IFNK: variants seen among roughly 807,000 people sequenced by gnomAD.
IFNK encodes the protein IFN-kappa.
A neutral mutation model predicts 12.0 loss-of-function variants in IFNK; 13 were observed. The observed-to-expected ratio is 1.08, with a 90% CI of 0.70 to 1.72. IFNK has a LOEUF of 1.72. Ranked by LOEUF, IFNK falls within the 40% of genes most tolerant of loss-of-function variation. The probability of loss-of-function intolerance (pLI) is 0.00; values close to 1 mark genes in which losing one functional copy is unlikely to be tolerated. For missense variants in IFNK, 248 were observed against 237.0 expected, an observed-to-expected ratio of 1.05 and a Z score of -0.30; for synonymous variants, 94 against 82.3, an observed-to-expected ratio of 1.14 and a Z score of -0.77.
chr9:27,525,503 T>C lies in IFNK; in HGVS notation c.*2-504T>C, dbSNP rs116810570. Among the ~76,000 whole-genome samples, 1,162 of 152,262 alleles carry C rather than the reference T, an allele frequency of 7.6e-3. 15 individuals carry two copies. Among genetic ancestry groups the C allele is most frequent in the African/African-American group, 0.026 (1,078 of 41,542 alleles). ...CCATTTCCTTCTCAGCTTGGTTTGT[T>C]TGAATTGATGCTTGTGGAATAGTAT... is the stretch of plus-strand genomic sequence containing the variant. On this transcript the variant is annotated intron_variant, in intron 1 of 1. Transcript: ENST00000276943.
At position 27,524,676 on chromosome 9, in the gene IFNK, A is replaced by G; in HGVS notation, c.340A>G (p.Ile114Val). Residue 114 changes from isoleucine to valine, a missense_variant, in exon 1 of 2, where the codon ATC (isoleucine) becomes GTC (valine). By Grantham distance (29) the Ile-to-Val change is conservative. Transcript: ENST00000276943. The stretch of plus-strand genomic sequence containing the variant: ...TTGGAAAGAGAGACACCTCAAACAA[A>G]TCCAAATAGGACTTGATCAGCAAGC... ...KYWKERHLKQIQIGLDQQAEY... is the reference protein window; with the variant it reads ...KYWKERHLKQVQIGLDQQAEY... 6.2e-7 allele frequency: 1 copy of G among 1,614,102 alleles called. No homozygotes were observed. Among genetic ancestry groups the G allele is most frequent in the Non-Finnish European group, 8.5e-7 (1 of 1,179,980 alleles).
At chr9:27,525,587 A>T (rs987997426) in intron 1 of IFNK, among the ~76,000 whole-genome samples, 43 of 152,138 alleles carry the variant, frequency 2.8e-4, no homozygotes, top group African/African-American at 1.0e-3. Flanking sequence ...GAATTAGACG[A>T]CCATTAAGCT....
chr9:27,526,060 C>CA lies in IFNK; in HGVS notation c.*61dup, dbSNP rs1432751327. 2.0e-5 allele frequency: 3 copies of CA among 152,030 alleles called. No homozygotes were observed. Among genetic ancestry groups the CA allele is most frequent in the Non-Finnish European group, 4.4e-5 (3 of 67,990 alleles). The allele number at this position is 152,030 out of a possible 1,614,324, so 9.4% of individuals were successfully genotyped here. A position where few individuals can be genotyped will look rare whatever the true frequency, so the allele number is the denominator to read the frequency against. ...AGAGATTGTGGCTACGCAAATGCAC[C>CA]AAAAAAGGGTGAAATATATCTGAAA... On this transcript the variant is annotated 3_prime_UTR_variant, in exon 2 of 2. Transcript: ENST00000276943.
rs1223161552 is a variant in IFNK at position 27,524,385 on chromosome 9, C to T, written c.49C>T (p.Leu17Phe). The T allele has an allele frequency of 1.2e-6, 2 of 1,613,728 alleles. No individual in the cohort carries two copies. The highest frequency in any genetic ancestry group is 8.5e-7 in the Non-Finnish European group (1 of 1,179,788). The change falls in exon 1 of 2, where the codon CTT (leucine) becomes TTT (phenylalanine). Residue 17 changes from leucine (L) to phenylalanine (F), a missense_variant. Leu to Phe is a conservative substitution (Grantham distance 22, BLOSUM62 0). Transcript: ENST00000276943. ...MIQKCLWLEI[L>F]MGIFIAGTLS... ...TCAAAAGTGTTTGTGGCTTGAGATC[C>T]TTATGGGTATATTCATTGCTGGCAC...
At position 27,524,894 on chromosome 9, in the gene IFNK, C is replaced by T; in HGVS notation, c.558C>T (p.Val186=). 6.2e-7 allele frequency: 1 copy of T among 1,612,354 alleles called. No individual in the cohort carries two copies. Among genetic ancestry groups the T allele is most frequent in the South Asian group, 1.1e-5 (1 of 90,442 alleles). ...KKYSDCAWEI[V]RVEIRRCLYY... is the part of the protein sequence containing the mutation. ...ACAGTGACTGTGCCTGGGAGATTGT[C>T]CGAGTGGAAATCAGAAGATGTTTGT... The change falls in exon 1 of 2, where the codon GTC becomes GTT. Residue 186 remains valine, a synonymous_variant. Transcript: ENST00000276943.
rs906275676 is a variant in IFNK at position 27,526,283 on chromosome 9, A to T, written c.*278A>T. On this transcript the variant is annotated 3_prime_UTR_variant, in exon 2 of 2. Transcript: ENST00000276943. ...AAAGAACAAGAACAAATTGTGGATC[A>T]TGGTATATGCAGGCTATCAGCAGAA... The T allele has an allele frequency of 6.6e-6, 1 of 152,252 alleles. No individual in the cohort carries two copies. The highest frequency in any genetic ancestry group is 2.4e-5 in the African/African-American group (1 of 41,466). The allele number at this position is 152,252 out of a possible 1,614,324, so 9.4% of individuals were successfully genotyped here. A position where few individuals can be genotyped will look rare whatever the true frequency, so the allele number is the denominator to read the frequency against.
In IFNK at chr9:27,524,329, C is replaced by A. The variant is rs58668566; in HGVS notation, c.-8C>A. On this transcript the variant is annotated 5_prime_UTR_variant, in exon 1 of 2. Coordinates refer to ENST00000276943, the MANE Select transcript of IFNK (RefSeq NM_020124.3). Reference sequence around the variant, plus strand: ...CACATCTTCTGGATTTTTTAGCTTGCAAAAAAAATGAGCACCAAACCTGAT... The same window carrying A: ...CACATCTTCTGGATTTTTTAGCTTGAAAAAAAAATGAGCACCAAACCTGAT... 53,752 of 1,596,718 alleles carry A rather than the reference C, an allele frequency of 0.034. 1,513 individuals are homozygous for A. The highest frequency in any genetic ancestry group is 0.13 in the African/African-American group (9,421 of 73,720).
Position 27,524,747 on chromosome 9 carries a change from A to G in IFNK, c.411A>G (p.Glu137=). 3 of 1,613,972 alleles carry G rather than the reference A, an allele frequency of 1.9e-6. No individual in the cohort carries two copies. The highest frequency in any genetic ancestry group is 2.5e-6 in the Non-Finnish European group (3 of 1,179,888). Residue 137 remains glutamate, a synonymous_variant, in exon 1 of 2, where the codon GAA becomes GAG. Transcript: ENST00000276943. ...QCLEEDKNEN[E]DMKEMKENEM... ...TGGAGGAAGACAAGAATGAAAATGAAGACATGAAAGAAATGAAAGAGAATG... is the reference window on the plus strand; with the variant it reads ...TGGAGGAAGACAAGAATGAAAATGAGGACATGAAAGAAATGAAAGAGAATG...
rs1021435799 is a variant in IFNK, at chr9:27,526,192, T to C, written c.*187T>C. 2 of 152,366 alleles carry C rather than the reference T, an allele frequency of 1.3e-5. No individual in the cohort carries two copies. The highest frequency in any genetic ancestry group is 4.8e-5 in the African/African-American group (2 of 41,578). 9.4% of individuals were successfully genotyped at this position (152,366 alleles called of 1,614,324 possible). ...TTCCAAGCGCAGGGCCCAAATGTTA[T>C]AGCCAAAGAAAGTCTTATGATAAAA... On this transcript the variant is annotated 3_prime_UTR_variant, in exon 2 of 2. Transcript: ENST00000276943.
rs1395398480 is a variant in IFNK at position 27,524,293 on chromosome 9, A to T, written c.-44A>T. 4 of 1,565,256 alleles carry T rather than the reference A, an allele frequency of 2.6e-6. No individual in the cohort carries two copies. The highest frequency in any genetic ancestry group is 1.4e-5 in the African/African-American group (1 of 72,960). ...CACATGAAGGAAAACTCAAAACATCATTGTCATATACACATCTTCTGGATT... is the reference window on the plus strand; with the variant it reads ...CACATGAAGGAAAACTCAAAACATCTTTGTCATATACACATCTTCTGGATT... On this transcript the variant is annotated 5_prime_UTR_variant, in exon 1 of 2. Coordinates refer to ENST00000276943, the MANE Select transcript of IFNK (RefSeq NM_020124.3).
At chr9:27,525,869 T>C (rs1820428694) in intron 1 of IFNK, 138 bp from the exon 2 acceptor site, 2 of 152,356 alleles carry the variant, frequency 1.3e-5, no homozygotes, top group South Asian at 4.1e-4. Context: ...TAATATCTTT[T>C]ATCTTTTTAA....
rs202116714 is a variant in IFNK at position 27,524,495 on chromosome 9, T to C, written c.159T>C (p.Asn53=). 1 of 1,613,998 alleles carries C rather than the reference T, an allele frequency of 6.2e-7. No individual in the cohort carries two copies. The highest frequency in any genetic ancestry group is 1.3e-5 in the African/African-American group (1 of 74,914). ...QNLRHLSSMS[N]SFPVECLREN... ...TGAGACATCTGAGTAGTATGAGCAA[T>C]TCATTTCCTGTAGAATGTCTACGAG... is the stretch of plus-strand genomic sequence containing the variant. The change falls in exon 1 of 2, where the codon AAT becomes AAC. Residue 53 remains asparagine (N), a synonymous_variant. Coordinates refer to ENST00000276943, the MANE Select transcript of IFNK (RefSeq NM_020124.3).
intron 1 of IFNK, 63 bp downstream of exon 1, chr9:27,525,024 A>C (rs700784): frequency 2.2e-6 from 3 of 1,335,910 alleles, no homozygotes; most frequent in African/African-American, 2.9e-5. Context: ...TCCTCCTCCA[A>C]CTTCTTTTTA....
chr9:27,524,870 C>G lies in IFNK; in HGVS notation c.534C>G (p.Tyr178Ter). The G allele has an allele frequency of 6.2e-7, 1 of 1,613,986 alleles. No homozygotes were observed. The highest frequency in any genetic ancestry group is 8.5e-7 in the Non-Finnish European group (1 of 1,179,902). Residue 178 changes from tyrosine (Y) to a stop codon, truncating the protein, a stop_gained, in exon 1 of 2, where the codon TAC becomes TAG. Transcript: ENST00000276943. LOFTEE classifies it low-confidence loss of function (END_TRUNC). ...RIDNFLKEKK[Y>*]SDCAWEIVRV... is the part of the protein sequence containing the mutation. ...ACAATTTCCTGAAAGAAAAGAAATA[C>G]AGTGACTGTGCCTGGGAGATTGTCC... is the stretch of plus-strand genomic sequence containing the variant.
At position 27,526,484 on chromosome 9, in the gene IFNK, T is replaced by TAATAACTAAA. The variant is rs1820439916; in HGVS notation, c.*479_*480insAATAACTAAA. On this transcript the variant is annotated 3_prime_UTR_variant, in exon 2 of 2. Coordinates refer to ENST00000276943, the MANE Select transcript of IFNK (RefSeq NM_020124.3). Reference sequence around the variant, plus strand: ...GACTTTCTCTAATAAAGTCTTTGCCTGTTCTCTCTAATAACTTTACTGGAA... The same window carrying TAATAACTAAA: ...GACTTTCTCTAATAAAGTCTTTGCCTAATAACTAAAGTTCTCTCTAATAACTTTACTGGAA... 1 of 152,236 alleles carries TAATAACTAAA rather than the reference T, an allele frequency of 6.6e-6. No homozygotes were observed. The highest frequency in any genetic ancestry group is 2.4e-5 in the African/African-American group (1 of 41,464). The allele number at this position is 152,236 out of a possible 1,614,324, so 9.4% of individuals were successfully genotyped here. A position where few individuals can be genotyped will look rare whatever the true frequency, so the allele number is the denominator to read the frequency against.
chr9:27,524,349 C>A lies in IFNK; in HGVS notation c.13C>A (p.Pro5Thr), dbSNP rs185197750. Residue 5 changes from proline to threonine, a missense_variant, in exon 1 of 2, where the codon CCT becomes ACT. Physicochemically the swap from Pro to Thr is conservative, Grantham distance 38 (BLOSUM62 -1). Coordinates refer to ENST00000276943, the MANE Select transcript of IFNK (RefSeq NM_020124.3). MSTK[P>T]DMIQKCLWLE... ...GCTTGCAAAAAAAATGAGCACCAAA[C>A]CTGATATGATTCAAAAGTGTTTGTG... The A allele has an allele frequency of 6.8e-6, 11 of 1,611,376 alleles. No homozygotes were observed. The African/African-American group carries it at 1.2e-4, about 18-fold the overall frequency.
At chr9:27,525,456 GA>G (rs1377587589) in intron 1 of IFNK, among the ~76,000 whole-genome samples, 8 of 152,160 alleles carry the variant, frequency 5.3e-5, no homozygotes, top group Non-Finnish European at 7.4e-5. Context: ...TGCTCGGGGG[GA>G]AAAAGGTTGA....
chr9:27,525,197 CT>C (rs1820417159), intron 1 of IFNK, among the ~76,000 whole-genome samples: 2 of 152,182 alleles, frequency 1.3e-5, no homozygotes, highest in Non-Finnish European at 2.9e-5. Flanking sequence ...ATAAGATTCC[CT>C]CTCCGTCTTC....
In IFNK at chr9:27,524,904, A is replaced by T. The variant is rs1820406707; in HGVS notation, c.568A>T (p.Ile190Phe). 6.2e-7 allele frequency: 1 copy of T among 1,611,572 alleles called. No homozygotes were observed. Among genetic ancestry groups the T allele is most frequent in the Admixed American group, 1.7e-5 (1 of 59,440 alleles). The change falls in exon 1 of 2, where the codon ATC (isoleucine) becomes TTC (phenylalanine). Residue 190 changes from isoleucine (I) to phenylalanine (F), a missense_variant. By Grantham distance (21) the Ile-to-Phe change is conservative (BLOSUM62 0). Transcript: ENST00000276943. ...TGCCTGGGAGATTGTCCGAGTGGAA[A>T]TCAGAAGATGTTTGTATTACTTTTA... Reference protein sequence around the residue: ...DCAWEIVRVEIRRCLYYFYKF... With the variant: ...DCAWEIVRVEFRRCLYYFYKF...
Sources: allele counts gnomAD v4.1 joint callset (sites outside exome capture counted in the v4.1 genomes callset), GRCh38; gene constraint gnomAD v4.1.1; transcripts MANE v1.5; gene names NCBI Gene and HGNC (gene_info 2026-07-23, HGNC 2026-07-21).